Variants in PLD5 observed in about 807,000 individuals in gnomAD.
The protein encoded by PLD5 is inactive phospholipase D5.
PLD5 carries 36 observed loss-of-function variants against 61.1 expected under a neutral mutation model. The observed-to-expected ratio is 0.59, with a 90% CI of 0.45 to 0.78. The LOEUF (loss-of-function observed/expected upper bound fraction) is 0.78, where lower values mean the gene tolerates loss of function less well. Ranked by LOEUF, PLD5 falls within the 30% of genes least tolerant of loss-of-function variation. The pLI is 0.00. For missense variants in PLD5, 515 were observed against 644.4 expected, an observed-to-expected ratio of 0.80 and a Z score of 2.17; for synonymous variants, 243 against 242.8, an observed-to-expected ratio of 1.00 and a Z score of -0.01.
At chr1:242,194,606 G>GTATCTATC (rs61470956) in intron 5 of PLD5, among the ~76,000 whole-genome samples, 109 of 123,646 alleles carry the variant, frequency 8.8e-4, no homozygotes, top group East Asian at 1.8e-3. Context: ...ATCTATCTAT[G>GTATCTATC]TATCTATCTA....
chr1:242,134,632 G>A (rs191625018), intron 5 of PLD5, among the ~76,000 whole-genome samples: 36 of 152,300 alleles, frequency 2.4e-4, no homozygotes, highest in Non-Finnish European at 1.6e-4. Context: ...TCTTGCCCCA[G>A]AGAAATGTTT....
intron 7 of PLD5, among the ~76,000 whole-genome samples, chr1:242,113,066 GTTTCTTTCTCTCTCTCTCTT>G (rs1339030941): frequency 7.1e-6 from 1 of 141,210 alleles, no homozygotes; most frequent in African/African-American, 2.6e-5. Context: ...GATATTTGAA[GTTTCTTTCTCTCTCTCTCTT>G]TTTTTTTTTT....
At chr1:242,382,315 A>G (rs1662344513) in intron 1 of PLD5, among the ~76,000 whole-genome samples, 1 of 152,110 alleles carries the variant, frequency 6.6e-6, no homozygotes, top group African/African-American at 2.4e-5. Context: ...TGTGGGACTA[A>G]AAGAGATCAT....
At chr1:242,153,008 T>C (rs1574404579) in intron 5 of PLD5, among the ~76,000 whole-genome samples, 3 of 151,664 alleles carry the variant, frequency 2.0e-5, no homozygotes, top group African/African-American at 4.9e-5. Flanking sequence ...CCACATCCTC[T>C]CCAGCATCTG....
chr1:242,436,985 C>T (rs2102899404), intron 1 of PLD5, among the ~76,000 whole-genome samples: 1 of 152,234 alleles, frequency 6.6e-6, no homozygotes, highest in South Asian at 2.1e-4. Context: ...TTAGACAAAG[C>T]AAGGGAGAAT....
chr1:242,452,649 C>G (rs2102926039), intron 1 of PLD5, among the ~76,000 whole-genome samples: 1 of 152,238 alleles, frequency 6.6e-6, no homozygotes, highest in Non-Finnish European at 1.5e-5. Context: ...AACTCCATCT[C>G]TACAAAAAAT....
intron 1 of PLD5, among the ~76,000 whole-genome samples, chr1:242,502,479 T>A (rs1668584729): frequency 6.6e-6 from 1 of 152,220 alleles, no homozygotes. Context: ...GATTAACAGT[T>A]ACCAAGAGTG....
intron 2 of PLD5, among the ~76,000 whole-genome samples, chr1:242,298,755 C>T (rs1675859474): frequency 6.6e-6 from 1 of 152,178 alleles, no homozygotes; most frequent in Non-Finnish European, 1.5e-5. Context: ...TTCTATAAGC[C>T]ACTCTGCCAA....
chr1:242,118,712 A>G (rs140243194), intron 6 of PLD5, among the ~76,000 whole-genome samples: 1 of 152,330 alleles, frequency 6.6e-6, no homozygotes, highest in African/African-American at 2.4e-5. Flanking sequence ...ACTGCCTGAC[A>G]CAATGGCAGG....
intron 1 of PLD5, among the ~76,000 whole-genome samples, chr1:242,449,836 T>C (rs1027188007): frequency 1.3e-5 from 2 of 152,122 alleles, no homozygotes; most frequent in African/African-American, 4.8e-5. Context: ...GAATCCTGCC[T>C]AGACAAAGAC....
intron 5 of PLD5, among the ~76,000 whole-genome samples, chr1:242,154,638 G>A (rs976297927): frequency 1.3e-5 from 2 of 152,074 alleles, no homozygotes; most frequent in African/African-American, 2.4e-5. Flanking sequence ...TTATGTAATG[G>A]ATTACATTTA....
At position 242,083,516 on chromosome 1, in the gene PLD5, G is replaced by A. The variant is rs1470293268; in HGVS notation, c.*6338C>T. 1 of 152,086 alleles carries A rather than the reference G, an allele frequency of 6.6e-6. No homozygotes were observed. The highest frequency in any genetic ancestry group is 1.5e-5 in the Non-Finnish European group (1 of 68,018). 9.4% of individuals were successfully genotyped at this position (152,086 alleles called of 1,614,324 possible). On this transcript the variant is annotated 3_prime_UTR_variant, in exon 10 of 10. Coordinates refer to ENST00000536534, the MANE Select transcript of PLD5 (RefSeq NM_001372062.1). The stretch of plus-strand genomic sequence containing the variant: ...ATCCACCTATGAAATATGAATGAGA[G>A]ATAGCTTTATCACTGGAGACAAATT...
At chr1:242,109,036 T>C (rs1442228313) in intron 7 of PLD5, among the ~76,000 whole-genome samples, 2 of 152,340 alleles carry the variant, frequency 1.3e-5, no homozygotes, top group East Asian at 3.9e-4. Context: ...GTTTTCTTTG[T>C]CTGGTTTTAT....
At chr1:242,268,701 G>A (rs1383102108) in intron 3 of PLD5, among the ~76,000 whole-genome samples, 8 of 152,084 alleles carry the variant, frequency 5.3e-5, no homozygotes, top group East Asian at 1.9e-4. Context: ...CTATTAAATC[G>A]TCTTCAGTGT....
rs112073263 is a variant in PLD5 at position 242,140,742 on chromosome 1, A to ATT, written c.736-16079_736-16078dup. ...ATAGTTTCTGTTGCTACATCGTTAAATTTTTTTTTTTTCAGAGAAACTGGG... is the reference window on the plus strand; with the variant it reads ...ATAGTTTCTGTTGCTACATCGTTAAATTTTTTTTTTTTTTCAGAGAAACTGGG... On this transcript the variant is annotated intron_variant, in intron 5 of 9. Coordinates refer to ENST00000536534, the MANE Select transcript of PLD5 (RefSeq NM_001372062.1). Among the ~76,000 whole-genome samples the ATT allele has an allele frequency of 5.3e-5, 8 of 150,050 alleles. No homozygotes were observed. The East Asian group carries it at 9.8e-4, about 18-fold the overall frequency.
chr1:242,196,720 A>C (rs1475096585), intron 5 of PLD5, among the ~76,000 whole-genome samples: 1 of 152,160 alleles, frequency 6.6e-6, no homozygotes, highest in Non-Finnish European at 1.5e-5. Flanking sequence ...CATTTAAGCA[A>C]TGTGATGCCT....
intron 5 of PLD5, among the ~76,000 whole-genome samples, chr1:242,144,033 C>G (rs1399244848): frequency 6.6e-6 from 1 of 151,834 alleles, no homozygotes; most frequent in East Asian, 1.9e-4. Context: ...CCACGCCTGG[C>G]TAATTTTTAT....
At chr1:242,096,889 C>T (rs1454968611) in intron 9 of PLD5, among the ~76,000 whole-genome samples, 1 of 151,938 alleles carries the variant, frequency 6.6e-6, no homozygotes. Flanking sequence ...CGCTATCCCT[C>T]CTCCTTCCCC....
At chr1:242,283,937 G>C (rs1389132999) in intron 3 of PLD5, among the ~76,000 whole-genome samples, 2 of 151,862 alleles carry the variant, frequency 1.3e-5, no homozygotes, top group Non-Finnish European at 2.9e-5. Flanking sequence ...GTAAAACTTG[G>C]TGATTTTTAT....
Sources: gnomAD v4.1 joint callset for allele counts (sites outside exome capture counted in the v4.1 genomes callset) on GRCh38, gnomAD v4.1.1 for gene constraint, MANE v1.5 for transcripts, NCBI Gene and HGNC (gene_info 2026-07-23, HGNC 2026-07-21) for gene names.